DYNC2I1: variants seen among roughly 807,000 people sequenced by gnomAD.
DYNC2I1 encodes dynein 2 intermediate chain 1, also known as cytoplasmic dynein 2 intermediate chain 1.
In DYNC2I1, 89 loss-of-function variants were observed where a neutral mutation model predicts 133.4. The ratio of observed to expected loss-of-function variants is 0.67; its 90% CI spans 0.56 to 0.80. DYNC2I1 has a LOEUF of 0.80. Ranked by LOEUF, DYNC2I1 falls within the 30% of genes least tolerant of loss-of-function variation. The pLI is 0.00. For synonymous variants in DYNC2I1, 504 were observed against 484.3 expected (o/e 1.04, Z -0.54); for missense variants, 1,291 against 1,314.5 (o/e 0.98, Z 0.28).
rs1414034278 is a variant in DYNC2I1, at chr7:158,922,516, A to G, written c.2061A>G (p.Ser687=). 1.2e-6 allele frequency: 2 copies of G among 1,613,898 alleles called. No individual in the cohort carries two copies. Among genetic ancestry groups the G allele is most frequent in the Non-Finnish European group, 1.7e-6 (2 of 1,179,874 alleles). The part of the protein sequence containing the change: ...VLCVWDIWQP[S]GPQKVLICES... ...GTGTGTGGGATATTTGGCAGCCTTC[A>G]GGGCCACAGAAAGTTCTGATATGTG... is the stretch of plus-strand genomic sequence containing the variant. The change falls in exon 16 of 25, where the codon TCA becomes TCG. Residue 687 remains serine, a synonymous_variant. Coordinates refer to ENST00000407559, the MANE Select transcript of DYNC2I1 (RefSeq NM_018051.5).
At chr7:158,867,651 G>A (rs766403600) in intron 1 of DYNC2I1, among the ~76,000 whole-genome samples, 18 of 152,112 alleles carry the variant, frequency 1.2e-4, no homozygotes, top group Non-Finnish European at 2.1e-4. Flanking sequence ...TGGGGGTGGC[G>A]TGGGGGGACG....
At chr7:158,895,880 G>T (rs1845713391) in intron 8 of DYNC2I1, among the ~76,000 whole-genome samples, 1 of 152,130 alleles carries the variant, frequency 6.6e-6, no homozygotes, top group South Asian at 2.1e-4. Flanking sequence ...TTTTGAGGGT[G>T]CTAATATAAG....
chr7:158,918,825 G>A lies in DYNC2I1; in HGVS notation c.1877G>A (p.Ser626Asn), dbSNP rs771106306. Residue 626 changes from serine (S) to asparagine (N), a missense_variant, in exon 15 of 25, where the codon AGT (serine) becomes AAT (asparagine). By Grantham distance (46) the Ser-to-Asn change is conservative (BLOSUM62 1). Transcript: ENST00000407559. ...LRAQDRALYF[S>N]DSSSQLNTSL... Reference sequence around the variant, plus strand: ...GCTCAAGACAGGGCCCTGTATTTTAGTGACAGCTCATCTCAGCTGAACACC... The same window carrying A: ...GCTCAAGACAGGGCCCTGTATTTTAATGACAGCTCATCTCAGCTGAACACC... The A allele has an allele frequency of 1.1e-5, 18 of 1,613,766 alleles. No individual in the cohort carries two copies. Among genetic ancestry groups the A allele is most frequent in the Non-Finnish European group, 1.4e-5 (17 of 1,179,844 alleles).
At chr7:158,873,660 C>G (rs931735561) in intron 3 of DYNC2I1, among the ~76,000 whole-genome samples, 1 of 151,850 alleles carries the variant, frequency 6.6e-6, no homozygotes, top group Admixed American at 6.6e-5. Context: ...AGGGTCTTGC[C>G]CTGTCGCCCA....
At chr7:158,923,760 G>T (rs1187897734) in intron 17 of DYNC2I1, 27 bp downstream of exon 17, 4 of 1,586,502 alleles carry the variant, frequency 2.5e-6, no homozygotes, top group Non-Finnish European at 3.4e-6. Context: ...TGCCAATTGT[G>T]TGTCTGCTAG....
chr7:158,858,227 T>A (rs1841497707), intron 1 of DYNC2I1, among the ~76,000 whole-genome samples: 1 of 152,242 alleles, frequency 6.6e-6, no homozygotes, highest in Non-Finnish European at 1.5e-5. Flanking sequence ...TTTCTTTAAG[T>A]TACTCTGTAA....
chr7:158,853,190 G>C (rs575046242), upstream of DYNC2I1, among the ~76,000 whole-genome samples: 15 of 152,280 alleles, frequency 9.9e-5, no homozygotes, highest in African/African-American at 3.6e-4. Context: ...ACAAATGTTG[G>C]CCACAAGGGG....
chr7:158,842,170 A>G, the DYNC2I1 span, among the ~76,000 whole-genome samples: 1 of 152,174 alleles, frequency 6.6e-6, no homozygotes, highest in African/African-American at 2.4e-5. Flanking sequence ...CTGGGACTGC[A>G]GGCACCCGCC....
chr7:158,868,134 C>T (rs998790899), intron 1 of DYNC2I1, among the ~76,000 whole-genome samples: 9 of 152,046 alleles, frequency 5.9e-5, no homozygotes, highest in African/African-American at 1.7e-4. Context: ...ATCTGGCCCA[C>T]GTTCGAGGAA....
At chr7:158,954,255 C>T (rs1295684553) in intron 4 of DYNC2I1, among the ~76,000 whole-genome samples, 1 of 152,172 alleles carries the variant, frequency 6.6e-6, no homozygotes, top group Non-Finnish European at 1.5e-5. Flanking sequence ...ACCCCGTCTC[C>T]AGTATGTCTT....
chr7:158,919,560 C>G (rs1005613497), intron 15 of DYNC2I1, among the ~76,000 whole-genome samples: 1 of 152,126 alleles, frequency 6.6e-6, no homozygotes, highest in Non-Finnish European at 1.5e-5. Context: ...TCCGTGTGGC[C>G]GTCTGCTTGG....
intron 14 of DYNC2I1, 140 bp from the exon 15 acceptor site, chr7:158,918,600 C>G: frequency 2.2e-6 from 2 of 902,818 alleles, no homozygotes; most frequent in East Asian, 2.5e-5. Flanking sequence ...AGGACCGTAT[C>G]GTTTTTCTTG....
the DYNC2I1 span, among the ~76,000 whole-genome samples, chr7:158,848,847 C>T: frequency 1.3e-5 from 2 of 151,802 alleles, no homozygotes; most frequent in African/African-American, 4.8e-5. Context: ...TGGCGTGAAT[C>T]GCGAGGCAGA....
chr7:158,914,172 G>A (rs1406271019), intron 13 of DYNC2I1, 61 bp from the exon 14 acceptor site: 11 of 1,374,014 alleles, frequency 8.0e-6, no homozygotes, highest in Non-Finnish European at 1.0e-5. Flanking sequence ...CTCTTAAGAT[G>A]TGTAATGCAT....
chr7:158,934,317 C>G, intron 22 of DYNC2I1, 89 bp downstream of exon 22: 1 of 1,428,694 alleles, frequency 7.0e-7, no homozygotes, highest in Non-Finnish European at 9.1e-7. Flanking sequence ...GATTAACTTA[C>G]TCTTTTCTTT....
chr7:158,845,801 C>T, the DYNC2I1 span, among the ~76,000 whole-genome samples: 2 of 151,788 alleles, frequency 1.3e-5, no homozygotes, highest in African/African-American at 4.9e-5. Context: ...TGCTTGTAAA[C>T]AAACTTGTCA....
At chr7:158,883,655 CTTCT>C (rs1466388379) in intron 5 of DYNC2I1, among the ~76,000 whole-genome samples, 1 of 136,038 alleles carries the variant, frequency 7.4e-6, no homozygotes, top group African/African-American at 2.9e-5. Context: ...TGACCAGTGA[CTTCT>C]TTTTTTTTTT....
intron 4 of DYNC2I1, among the ~76,000 whole-genome samples, chr7:158,951,975 G>T (rs1307758076): frequency 6.6e-6 from 1 of 152,172 alleles, no homozygotes; most frequent in Non-Finnish European, 1.5e-5. Context: ...CTCCAGACCC[G>T]CCTTTCCTGC....
At chr7:158,899,879 G>A (rs974054742) in intron 8 of DYNC2I1, among the ~76,000 whole-genome samples, 3 of 152,036 alleles carry the variant, frequency 2.0e-5, no homozygotes, top group Admixed American at 6.6e-5. Flanking sequence ...GTGTGAAAAC[G>A]GACTAATACA....
Sources: allele counts gnomAD v4.1 joint callset (sites outside exome capture counted in the v4.1 genomes callset), GRCh38; gene constraint gnomAD v4.1.1; transcripts MANE v1.5; gene names NCBI Gene and HGNC (gene_info 2026-07-23, HGNC 2026-07-21).